Variants in RNF144B observed in about 807,000 individuals in gnomAD.
RNF144B encodes the protein ring finger protein 144B.
In RNF144B, 25 loss-of-function variants were observed where a neutral mutation model predicts 40.2. The observed-to-expected ratio is 0.62, with a 90% confidence interval of 0.45 to 0.87. The LOEUF is 0.87. Among genes scored for constraint, RNF144B ranks in the 40% least tolerant of loss-of-function variants. RNF144B has a pLI of 0.00. For missense variants in RNF144B, 365 were observed against 373.7 expected (o/e 0.98, Z 0.19); for synonymous variants, 145 against 136.3 (o/e 1.06, Z -0.44).
At chr6:18,408,468 C>A (rs1794960733) in intron 2 of RNF144B, among the ~76,000 whole-genome samples, 1 of 152,140 alleles carries the variant, frequency 6.6e-6, no homozygotes, top group Non-Finnish European at 1.5e-5. Context: ...ACATTTAGGT[C>A]CTGTAATCAA....
At chr6:18,413,396 G>T (rs1441750553) in intron 2 of RNF144B, among the ~76,000 whole-genome samples, 2 of 152,156 alleles carry the variant, frequency 1.3e-5, no homozygotes, top group Non-Finnish European at 2.9e-5. Context: ...AATCCAAGGA[G>T]TTTTTCAGAG....
At chr6:18,421,567 C>T (rs1200574860) in intron 2 of RNF144B, among the ~76,000 whole-genome samples, 2 of 152,080 alleles carry the variant, frequency 1.3e-5, no homozygotes, top group Non-Finnish European at 2.9e-5. Context: ...TGATAGCACC[C>T]CTACGTGGCA....
At position 18,460,622 on chromosome 6, in the gene RNF144B, ACTCGCTCTCT is replaced by A. The variant is rs1393817672; in HGVS notation, c.681+875_681+884del. On this transcript the variant is annotated intron_variant, in intron 6 of 7. Coordinates refer to ENST00000259939, the MANE Select transcript of RNF144B (RefSeq NM_182757.4). The surrounding 1 kb of genome is among the most constrained non-coding windows in gnomAD (Gnocchi z 4.4). ...CCCTCATGCTCTCTTGCATGCTCTCACTCGCTCTCTCTCTCTCTTGTTCATGAGCATGCAG... is the reference window on the plus strand; with the variant it reads ...CCCTCATGCTCTCTTGCATGCTCTCACTCTCTCTTGTTCATGAGCATGCAG... 6.6e-6 allele frequency among the ~76,000 whole-genome samples: 1 copy of A among 151,362 alleles called. No homozygotes were observed. The highest frequency in any genetic ancestry group is 1.5e-5 in the Non-Finnish European group (1 of 67,878).
Position 18,414,354 on chromosome 6 carries a change from A to G in RNF144B, c.166-13227A>G, listed in dbSNP as rs1029204156. ...CTTGTTCCTATCATTCCATGTATAG[A>G]AATAATATCTTCTTGAGGAAACTGT... On this transcript the variant is annotated intron_variant, in intron 2 of 7. Transcript: ENST00000259939. This position sits in a 1 kb window ranked among gnomAD's most constrained non-coding sequence, Gnocchi z 4.9. Among the ~76,000 whole-genome samples, 1 of 152,078 alleles carries G rather than the reference A, an allele frequency of 6.6e-6. No homozygotes were observed. Among genetic ancestry groups the G allele is most frequent in the Non-Finnish European group, 1.5e-5 (1 of 68,008 alleles).
At position 18,422,094 on chromosome 6, in the gene RNF144B, C is replaced by T. The variant is rs768523984; in HGVS notation, c.166-5487C>T. On this transcript the variant is annotated intron_variant, in intron 2 of 7. Coordinates refer to ENST00000259939, the MANE Select transcript of RNF144B (RefSeq NM_182757.4). This position sits in a 1 kb window ranked among gnomAD's most constrained non-coding sequence, Gnocchi z 4.7. The stretch of plus-strand genomic sequence containing the variant: ...GGTTTTGTAAGAAAAATTTTAGGAT[C>T]GGACTATACCAGGAAACAGCTTCCT... 2.6e-5 allele frequency among the ~76,000 whole-genome samples: 4 copies of T among 152,122 alleles called. No individual in the cohort carries two copies. Among genetic ancestry groups the T allele is most frequent in the South Asian group, 4.1e-4 (2 of 4,820 alleles).
rs941062212 is a variant in RNF144B at position 18,458,606 on chromosome 6, G to A, written c.537-1001G>A. Among the ~76,000 whole-genome samples, 2 of 152,140 alleles carry A rather than the reference G, an allele frequency of 1.3e-5. No homozygotes were observed. Among genetic ancestry groups the A allele is most frequent in the African/African-American group, 4.8e-5 (2 of 41,422 alleles). On this transcript the variant is annotated intron_variant, in intron 5 of 7. Transcript: ENST00000259939. The surrounding 1 kb of genome is among the most constrained non-coding windows in gnomAD (Gnocchi z 4.8). ...GGCAACGTAAAGAACTCAGAGGATA[G>A]GAGGATTTGCATTCTGACATTGTCA...
intron 4 of RNF144B, among the ~76,000 whole-genome samples, chr6:18,451,354 G>T (rs1759206149): frequency 6.6e-6 from 1 of 152,166 alleles, no homozygotes; most frequent in African/African-American, 2.4e-5. Context: ...ATTGTCATAA[G>T]AGGTCATATC....
rs1176964925 is a variant in RNF144B at position 18,456,454 on chromosome 6, T to TA, written c.332-696dup. ...AAGTCTTTTTGGAAAAATATCTTAT[T>TA]AAAAATTTGCTTTTTATGTCCAATT... On this transcript the variant is annotated intron_variant, in intron 4 of 7. Transcript: ENST00000259939. The surrounding 1 kb of genome is among the most constrained non-coding windows in gnomAD (Gnocchi z 4.7). 6.6e-6 allele frequency among the ~76,000 whole-genome samples: 1 copy of TA among 152,252 alleles called. No homozygotes were observed. Among genetic ancestry groups the TA allele is most frequent in the African/African-American group, 2.4e-5 (1 of 41,466 alleles).
rs757855926 is a variant in RNF144B, at chr6:18,418,632, A to G, written c.166-8949A>G. 6.6e-6 allele frequency among the ~76,000 whole-genome samples: 1 copy of G among 152,120 alleles called. No homozygotes were observed. The highest frequency in any genetic ancestry group is 1.5e-5 in the Non-Finnish European group (1 of 68,012). On this transcript the variant is annotated intron_variant, in intron 2 of 7. Coordinates refer to ENST00000259939, the MANE Select transcript of RNF144B (RefSeq NM_182757.4). The surrounding 1 kb of genome is among the most constrained non-coding windows in gnomAD (Gnocchi z 5.2). ...ACAGAGTTTCTTTTGGGATTATGAAATGTTCTAAAATCAAATTTGGTGATA... is the reference window on the plus strand; with the variant it reads ...ACAGAGTTTCTTTTGGGATTATGAAGTGTTCTAAAATCAAATTTGGTGATA...
In RNF144B at chr6:18,467,290, G is replaced by C. The variant is rs931045078; in HGVS notation, c.*2223G>C. 3.3e-5 allele frequency: 5 copies of C among 152,374 alleles called. No individual in the cohort carries two copies. The highest frequency in any genetic ancestry group is 1.2e-4 in the African/African-American group (5 of 41,352). 9.4% of individuals were successfully genotyped at this position (152,374 alleles called of 1,614,324 possible). A position where few individuals can be genotyped will look rare whatever the true frequency, so the allele number is the denominator to read the frequency against. ...AAAAGACTGTGTTATCAGAGGAAGA[G>C]GTCCCAAATTTGGAGTAAAGATGGG... On this transcript the variant is annotated 3_prime_UTR_variant, in exon 8 of 8. Transcript: ENST00000259939.
rs1221183555 is a variant in RNF144B, at chr6:18,458,118, A to G, written c.536+759A>G. 6.6e-6 allele frequency among the ~76,000 whole-genome samples: 1 copy of G among 151,920 alleles called. No individual in the cohort carries two copies. Among genetic ancestry groups the G allele is most frequent in the East Asian group, 1.9e-4 (1 of 5,174 alleles). On this transcript the variant is annotated intron_variant, in intron 5 of 7. Coordinates refer to ENST00000259939, the MANE Select transcript of RNF144B (RefSeq NM_182757.4). The surrounding 1 kb of genome is among the most constrained non-coding windows in gnomAD (Gnocchi z 4.8). ...ACGCCTGGCTAATTTTTCTATTTTT[A>G]GTAGAGATGGGGTTTCACCATATTG...
In RNF144B at chr6:18,426,767, C is replaced by A. The variant is rs188973098; in HGVS notation, c.166-814C>A. Among the ~76,000 whole-genome samples, 406 of 137,138 alleles carry A rather than the reference C, an allele frequency of 3.0e-3. 3 individuals carry two copies. Among genetic ancestry groups the A allele is most frequent in the African/African-American group, 9.8e-3 (388 of 39,672 alleles). 90.0% of individuals were successfully genotyped at this position (137,138 alleles called of 152,430 possible). ...TTCTTTTTTCTATTCAATGTCTTCT[C>A]TGGGTTTCATTTTTTCTATTCAATG... On this transcript the variant is annotated intron_variant, in intron 2 of 7. Coordinates refer to ENST00000259939, the MANE Select transcript of RNF144B (RefSeq NM_182757.4).
chr6:18,411,267 GC>G (rs1455618077), intron 2 of RNF144B, among the ~76,000 whole-genome samples: 2 of 151,532 alleles, frequency 1.3e-5, no homozygotes, highest in African/African-American at 4.8e-5. Flanking sequence ...ACAGGAATAA[GC>G]CACCGTGCCC....
At chr6:18,391,688 A>G (rs921467363) in intron 1 of RNF144B, among the ~76,000 whole-genome samples, 3 of 151,490 alleles carry the variant, frequency 2.0e-5, no homozygotes, top group South Asian at 2.1e-4. Flanking sequence ...AAACACGGTG[A>G]AACCACATCT....
chr6:18,427,709 C>T (rs1758591518), intron 3 of RNF144B, 24 bp downstream of exon 3: 1 of 1,346,342 alleles, frequency 7.4e-7, no homozygotes, highest in East Asian at 2.3e-5. Flanking sequence ...CCATCATCTT[C>T]CCCTCTTTCC....
chr6:18,449,596 C>T (rs1267104333), intron 4 of RNF144B, among the ~76,000 whole-genome samples: 8 of 151,560 alleles, frequency 5.3e-5, no homozygotes, highest in Admixed American at 4.6e-4. Context: ...TGTATATTTA[C>T]TAAAAACAAA....
intron 1 of RNF144B, among the ~76,000 whole-genome samples, chr6:18,388,567 C>G (rs1794515721): frequency 6.6e-6 from 1 of 152,124 alleles, no homozygotes. Context: ...TGAAATGAGC[C>G]TCTTGGTCCC....
At position 18,405,655 on chromosome 6, in the gene RNF144B, G is replaced by A. The variant is rs894470204; in HGVS notation, c.165+5956G>A. On this transcript the variant is annotated intron_variant, in intron 2 of 7. Coordinates refer to ENST00000259939, the MANE Select transcript of RNF144B (RefSeq NM_182757.4). The surrounding 1 kb of genome is among the most constrained non-coding windows in gnomAD (Gnocchi z 4.5). ...GGTCAAGTCACAGGTTTACAATGCC[G>A]ATTTTATTGGCACTATATTTTTCCA... is the stretch of plus-strand genomic sequence containing the variant. Among the ~76,000 whole-genome samples, 2 of 152,138 alleles carry A rather than the reference G, an allele frequency of 1.3e-5. No homozygotes were observed. Among genetic ancestry groups the A allele is most frequent in the South Asian group, 2.1e-4 (1 of 4,832 alleles).
At position 18,441,044 on chromosome 6, in the gene RNF144B, C is replaced by G. The variant is rs1758952886; in HGVS notation, c.331+1300C>G. On this transcript the variant is annotated intron_variant, in intron 4 of 7. Transcript: ENST00000259939. This position sits in a 1 kb window ranked among gnomAD's most constrained non-coding sequence, Gnocchi z 4.9. Reference sequence around the variant, plus strand: ...GGATTTTTGGTTTAATGGATGATGACATAATCTGATGCTTCTGTTCTGTGA... The same window carrying G: ...GGATTTTTGGTTTAATGGATGATGAGATAATCTGATGCTTCTGTTCTGTGA... Among the ~76,000 whole-genome samples, 1 of 152,006 alleles carries G rather than the reference C, an allele frequency of 6.6e-6. No individual in the cohort carries two copies. The highest frequency in any genetic ancestry group is 2.4e-5 in the African/African-American group (1 of 41,384).
Sources: allele counts gnomAD v4.1 joint callset (sites outside exome capture counted in the v4.1 genomes callset), GRCh38; gene constraint gnomAD v4.1.1; non-coding constraint Gnocchi (gnomAD v3.1); transcripts MANE v1.5; gene names NCBI Gene and HGNC (gene_info 2026-07-23, HGNC 2026-07-21).